Variants in DNAJC8 observed in about 807,000 individuals in gnomAD.
DNAJC8 encodes the protein DnaJ heat shock protein family (Hsp40) member C8.
In DNAJC8, 24 loss-of-function variants were observed where a neutral mutation model predicts 43.2. That is an observed-to-expected ratio of 0.56 (90% CI 0.40 to 0.78). The LOEUF (loss-of-function observed/expected upper bound fraction) is 0.78. Among genes scored for constraint, DNAJC8 ranks in the 30% least tolerant of loss-of-function variants. DNAJC8 has a pLI of 0.00. For missense variants in DNAJC8, 207 were observed against 299.4 expected (o/e 0.69, Z 2.28); for synonymous variants, 83 against 98.0 (o/e 0.85, Z 0.90).
chr1:28,225,741 C>T (rs1646929864), intron 2 of DNAJC8, among the ~76,000 whole-genome samples: 3 of 140,382 alleles, frequency 2.1e-5, no homozygotes, highest in South Asian at 4.4e-4. Context: ...CTCGTTCTGT[C>T]GCCCAGGCTG....
intron 6 of DNAJC8, among the ~76,000 whole-genome samples, 166 bp from the exon 7 acceptor site, chr1:28,205,515 G>A (rs1167282587): frequency 6.6e-6 from 1 of 152,240 alleles, no homozygotes; most frequent in Non-Finnish European, 1.5e-5. Context: ...GCCAAAGGCA[G>A]GAGAATCGTT....
intron 8 of DNAJC8, among the ~76,000 whole-genome samples, chr1:28,202,265 GT>G (rs936532533): frequency 1.3e-5 from 2 of 151,834 alleles, no homozygotes; most frequent in Non-Finnish European, 1.5e-5. Flanking sequence ...GTTTAACATG[GT>G]TTTTTTTGTT....
rs370816068 is a variant in DNAJC8, at chr1:28,202,440, C to T, written c.640-1070G>A. On this transcript the variant is annotated intron_variant, in intron 8 of 8. Coordinates refer to ENST00000263697, the MANE Select transcript of DNAJC8 (RefSeq NM_014280.3). ...GACTAAAGGGGCCCGCCACCACGCC[C>T]GGCTAATTTTTTGTATTTTTAGTAG... 9.3e-3 allele frequency among the ~76,000 whole-genome samples: 1,395 copies of T among 149,608 alleles called. 23 individuals are homozygous for T. Among genetic ancestry groups the T allele is most frequent in the African/African-American group, 0.031 (1,272 of 40,632 alleles).
At chr1:28,222,655 C>T (rs1049030771) in intron 2 of DNAJC8, among the ~76,000 whole-genome samples, 8 of 151,994 alleles carry the variant, frequency 5.3e-5, no homozygotes, top group Non-Finnish European at 1.0e-4. Context: ...GCAAAACAGA[C>T]GTCTACTCTG....
intron 2 of DNAJC8, among the ~76,000 whole-genome samples, chr1:28,226,293 C>T (rs1032938933): frequency 6.6e-6 from 1 of 150,794 alleles, no homozygotes; most frequent in Non-Finnish European, 1.5e-5. Flanking sequence ...ATCACAAGGT[C>T]AGGAGTTTGA....
chr1:28,211,016 A>T (rs520800), intron 3 of DNAJC8, among the ~76,000 whole-genome samples: 50,019 of 151,564 alleles, frequency 0.33, 8,972 homozygotes, highest in African/African-American at 0.46. Context: ...CAAAAAAAAA[A>T]TTTTTTAATT....
intron 3 of DNAJC8, among the ~76,000 whole-genome samples, chr1:28,214,352 T>C (rs1303141678): frequency 1.3e-5 from 2 of 151,928 alleles, no homozygotes; most frequent in Admixed American, 6.6e-5. Flanking sequence ...CTGGCCAACA[T>C]AGGGAAACTC....
intron 3 of DNAJC8, among the ~76,000 whole-genome samples, chr1:28,212,526 C>T (rs1646822309): frequency 6.6e-6 from 1 of 151,596 alleles, no homozygotes; most frequent in Non-Finnish European, 1.5e-5. Flanking sequence ...AAGCAATCTG[C>T]CCGACTCAAT....
chr1:28,219,378 G>A lies in DNAJC8; in HGVS notation c.181-4382C>T, dbSNP rs549677758. Among the ~76,000 whole-genome samples the A allele has an allele frequency of 5.3e-5, 8 of 152,136 alleles. 1 individual carries two copies. The highest frequency in any genetic ancestry group is 2.1e-4 in the South Asian group (1 of 4,814). On this transcript the variant is annotated intron_variant, in intron 2 of 8. Transcript: ENST00000263697. ...AAAAAAATTAGCCAGGTGTGGTGGC[G>A]GGCGCCTGTGGTCCCAGCTACTCAG...
At chr1:28,204,197 C>T (rs751289985) in intron 7 of DNAJC8, among the ~76,000 whole-genome samples, 3 of 152,154 alleles carry the variant, frequency 2.0e-5, no homozygotes, top group African/African-American at 7.2e-5. Flanking sequence ...CTGGACAAAA[C>T]CCTATCCGAA....
At position 28,201,143 on chromosome 1, in the gene DNAJC8, C is replaced by A; in HGVS notation, c.*105G>T. On this transcript the variant is annotated 3_prime_UTR_variant, in exon 9 of 9. Transcript: ENST00000263697. The stretch of plus-strand genomic sequence containing the variant: ...ATTGAAAACAAAATGGACTAAAAAG[C>A]AAATACTACTCTATGTTGGGGTGGA... The A allele has an allele frequency of 6.6e-7, 1 of 1,514,604 alleles. No individual in the cohort carries two copies. The highest frequency in any genetic ancestry group is 8.9e-7 in the Non-Finnish European group (1 of 1,120,952). 93.8% of individuals were successfully genotyped at this position (1,514,604 alleles called of 1,614,324 possible).
intron 1 of DNAJC8, among the ~76,000 whole-genome samples, chr1:28,229,713 G>A (rs1051394450): frequency 2.6e-5 from 4 of 151,654 alleles, no homozygotes; most frequent in African/African-American, 9.7e-5. Flanking sequence ...GACAGAGGTT[G>A]CAGTGAGCCA....
chr1:28,210,265 C>T (rs949367156), intron 4 of DNAJC8, 199 bp from the exon 5 acceptor site: 5 of 598,790 alleles, frequency 8.4e-6, no homozygotes, highest in East Asian at 2.8e-5. Flanking sequence ...TAAATATATA[C>T]TCAAGGCTAA....
At chr1:28,211,066 T>C (rs1422655141) in intron 3 of DNAJC8, among the ~76,000 whole-genome samples, 1 of 152,084 alleles carries the variant, frequency 6.6e-6, no homozygotes, top group African/African-American at 2.4e-5. Context: ...CCAAGCTATT[T>C]AGGAAGCTAA....
At chr1:28,229,078 T>C in intron 1 of DNAJC8, 55 bp from the exon 2 acceptor site, 1 of 1,426,216 alleles carries the variant, frequency 7.0e-7, no homozygotes, top group Non-Finnish European at 9.8e-7. Context: ...CAAACTGAAT[T>C]ATCTTAACAA....
At chr1:28,210,497 T>C (rs1381704826) in intron 4 of DNAJC8, 74 bp downstream of exon 4, 3 of 1,348,516 alleles carry the variant, frequency 2.2e-6, no homozygotes, top group Non-Finnish European at 3.2e-6. Context: ...AGTCTTTGCT[T>C]GATCTAGGAC....
At chr1:28,227,104 C>CTTTTTTTTTT (rs375175168) in intron 2 of DNAJC8, among the ~76,000 whole-genome samples, 5 of 95,144 alleles carry the variant, frequency 5.3e-5, no homozygotes, top group Non-Finnish European at 8.2e-5. Flanking sequence ...CTCTCTCTCT[C>CTTTTTTTTTT]TTTTTTTTTT....
In DNAJC8 at chr1:28,200,585, G is replaced by T. The variant is rs1009021516; in HGVS notation, c.*663C>A. The T allele has an allele frequency of 2.0e-5, 9 of 456,502 alleles. No homozygotes were observed. The highest frequency in any genetic ancestry group is 1.4e-4 in the Admixed American group (6 of 42,572). The allele number at this position is 456,502 out of a possible 1,614,324, so 28.3% of individuals were successfully genotyped here. On this transcript the variant is annotated 3_prime_UTR_variant, in exon 9 of 9. Transcript: ENST00000263697. ...GGTATAAAAATTTATTATACATAAA[G>T]AATATTACCACTAACAAATGCAGAC...
At chr1:28,205,403 C>A in intron 6 of DNAJC8, 54 bp from the exon 7 acceptor site, 2 of 1,394,068 alleles carry the variant, frequency 1.4e-6, no homozygotes, top group South Asian at 2.4e-5. Flanking sequence ...TTACCAGCAA[C>A]TTGAACCATG....
Sources: gnomAD v4.1 joint callset for allele counts (sites outside exome capture counted in the v4.1 genomes callset) on GRCh38, gnomAD v4.1.1 for gene constraint, MANE v1.5 for transcripts, NCBI Gene and HGNC (gene_info 2026-07-23, HGNC 2026-07-21) for gene names.